Variants in TFEC observed in about 807,000 individuals in gnomAD.
The protein encoded by TFEC is transcription factor EC, also known as class E basic helix-loop-helix protein 34.
A neutral mutation model predicts 41.6 loss-of-function variants in TFEC; 31 were observed. That is an observed-to-expected ratio of 0.74 (90% CI 0.56 to 1.01). The LOEUF is 1.01. TFEC is among the 50% of genes least tolerant of loss of function. TFEC has a pLI of 0.00. For synonymous variants in TFEC, 143 were observed against 140.6 expected (o/e 1.02, Z -0.12); for missense variants, 402 against 404.1 (o/e 0.99, Z 0.04).
chr7:116,021,828 C>T (rs909152766), intron 1 of TFEC, among the ~76,000 whole-genome samples: 3 of 151,936 alleles, frequency 2.0e-5, no homozygotes, highest in Admixed American at 6.6e-5. Flanking sequence ...CCAATGTATA[C>T]AGTTTTAGCT....
chr7:116,025,805 T>C (rs1465174739), intron 1 of TFEC, among the ~76,000 whole-genome samples: 2 of 152,232 alleles, frequency 1.3e-5, no homozygotes, highest in African/African-American at 4.8e-5. Flanking sequence ...AAAAATGTAG[T>C]AGTACATCAC....
chr7:116,157,583 T>A (rs147735952), intron 1 of TFEC, among the ~76,000 whole-genome samples: 55 of 152,142 alleles, frequency 3.6e-4, no homozygotes, highest in African/African-American at 1.3e-3. Flanking sequence ...GAAATCAGGA[T>A]TCTAAGGGAA....
chr7:115,992,780 G>A (rs1794183535), intron 1 of TFEC, among the ~76,000 whole-genome samples: 1 of 152,164 alleles, frequency 6.6e-6, no homozygotes, highest in African/African-American at 2.4e-5. Context: ...GAGGTACAAA[G>A]AGGAGCTGGT....
chr7:115,970,464 T>G (rs1227627367), intron 3 of TFEC, among the ~76,000 whole-genome samples: 1 of 151,932 alleles, frequency 6.6e-6, no homozygotes, highest in Admixed American at 6.6e-5. Flanking sequence ...AGTTTTTTTG[T>G]GTCTGTATGT....
chr7:115,986,632 G>T (rs1793868137), intron 1 of TFEC, among the ~76,000 whole-genome samples: 1 of 151,710 alleles, frequency 6.6e-6, no homozygotes, highest in African/African-American at 2.4e-5. Flanking sequence ...AATATTCTCA[G>T]CAAACTATTG....
chr7:115,988,154 C>T (rs746929730), intron 1 of TFEC, among the ~76,000 whole-genome samples: 4 of 152,094 alleles, frequency 2.6e-5, no homozygotes, highest in Non-Finnish European at 5.9e-5. Flanking sequence ...ACATCCAGTA[C>T]ATCCTGCCTA....
chr7:116,127,891 G>T (rs925273038), intron 1 of TFEC, among the ~76,000 whole-genome samples: 1 of 151,542 alleles, frequency 6.6e-6, no homozygotes, highest in South Asian at 2.1e-4. Context: ...GTTATTCCTG[G>T]TTCATTTACC....
chr7:115,953,447 G>A (rs181754402), intron 5 of TFEC, among the ~76,000 whole-genome samples: 1 of 151,998 alleles, frequency 6.6e-6, no homozygotes. Flanking sequence ...TGTAGCAGGT[G>A]TATCTAGATT....
intron 3 of TFEC, among the ~76,000 whole-genome samples, chr7:116,059,105 A>C (rs1796493783): frequency 1.3e-5 from 2 of 151,848 alleles, no homozygotes; most frequent in African/African-American, 4.8e-5. Flanking sequence ...AAAATCAATA[A>C]CATCGACACT....
At chr7:115,954,692 C>A in intron 4 of TFEC, 50 bp from the exon 5 acceptor site, 1 of 1,424,032 alleles carries the variant, frequency 7.0e-7, no homozygotes, top group Non-Finnish European at 9.8e-7. Context: ...ACCTTAAAAC[C>A]CCTCCAGGCA....
At chr7:115,946,458 C>G (rs1409760241) in intron 6 of TFEC, among the ~76,000 whole-genome samples, 1 of 149,334 alleles carries the variant, frequency 6.7e-6, no homozygotes, top group Non-Finnish European at 1.5e-5. Context: ...TTCTACCACC[C>G]AGGCTGGAAT....
At chr7:116,036,171 AC>A (rs1399788097) in intron 3 of TFEC, among the ~76,000 whole-genome samples, 2 of 152,068 alleles carry the variant, frequency 1.3e-5, no homozygotes, top group Non-Finnish European at 2.9e-5. Context: ...TTGGAATTGG[AC>A]CATAACATTT....
chr7:116,000,756 T>A (rs887627938), intron 1 of TFEC, among the ~76,000 whole-genome samples: 1 of 151,846 alleles, frequency 6.6e-6, no homozygotes, highest in Non-Finnish European at 1.5e-5. Context: ...AAGAGAAAGA[T>A]CTCTACAATG....
chr7:116,024,129 C>A (rs558885926), intron 1 of TFEC, among the ~76,000 whole-genome samples: 5 of 152,122 alleles, frequency 3.3e-5, no homozygotes, highest in African/African-American at 7.2e-5. Context: ...ATAGAGCCAT[C>A]TTTTCTGGTC....
At chr7:116,056,879 C>G (rs1182330938) in intron 3 of TFEC, among the ~76,000 whole-genome samples, 3 of 151,868 alleles carry the variant, frequency 2.0e-5, no homozygotes, top group Non-Finnish European at 4.4e-5. Flanking sequence ...AAAACTGACA[C>G]AGATATTAGA....
intron 1 of TFEC, among the ~76,000 whole-genome samples, chr7:116,004,109 A>G (rs1339889076): frequency 6.6e-6 from 1 of 152,154 alleles, no homozygotes; most frequent in Non-Finnish European, 1.5e-5. Context: ...TAAGTAGAAG[A>G]AAAGGAATAA....
At chr7:116,050,204 T>C (rs1226872059) in intron 3 of TFEC, among the ~76,000 whole-genome samples, 7 of 152,062 alleles carry the variant, frequency 4.6e-5, no homozygotes, top group Non-Finnish European at 8.8e-5. Flanking sequence ...GCTGGTTTTT[T>C]GAAAAGCTCA....
chr7:116,044,168 A>G (rs1796105334), intron 3 of TFEC, among the ~76,000 whole-genome samples: 1 of 152,200 alleles, frequency 6.6e-6, no homozygotes, highest in Admixed American at 6.5e-5. Flanking sequence ...TATTAAATAT[A>G]AAAGTGACTT....
chr7:116,152,143 G>A (rs929984233), intron 1 of TFEC, among the ~76,000 whole-genome samples: 3 of 152,082 alleles, frequency 2.0e-5, no homozygotes, highest in African/African-American at 7.2e-5. Flanking sequence ...AAAATGTCAA[G>A]GACTCCCATT....
Sources: allele counts gnomAD v4.1 joint callset (sites outside exome capture counted in the v4.1 genomes callset), GRCh38; gene constraint gnomAD v4.1.1; transcripts MANE v1.5; gene names NCBI Gene and HGNC (gene_info 2026-07-23, HGNC 2026-07-21).